The following ZBTB7A variants were observed in gnomAD, a reference collection of about 807,000 sequenced individuals.
The protein encoded by ZBTB7A is zinc finger and BTB domain containing 7A.
In ZBTB7A, 7 loss-of-function variants were observed where a neutral mutation model predicts 26.7. That is an observed-to-expected ratio of 0.26 (90% confidence interval 0.15 to 0.49). The LOEUF (loss-of-function observed/expected upper bound fraction) is 0.49, where lower values mean the gene tolerates loss of function less well. Ranked by LOEUF, ZBTB7A falls within the 20% of genes least tolerant of loss-of-function variation. The pLI is 0.98. For missense variants in ZBTB7A, 617 were observed against 919.5 expected (o/e 0.67, Z 4.25); for synonymous variants, 452 against 441.0 (o/e 1.02, Z -0.31).
chr19:4,049,833 T>C (rs2040479267), intron 2 of ZBTB7A, among the ~76,000 whole-genome samples: 1 of 152,142 alleles, frequency 6.6e-6, no homozygotes, highest in Non-Finnish European at 1.5e-5. Flanking sequence ...CTTTCTTTTT[T>C]CCTCCTGGAT....
chr19:4,066,182 C>T (rs1473899097), intron 1 of ZBTB7A, among the ~76,000 whole-genome samples: 2 of 127,816 alleles, frequency 1.6e-5, no homozygotes, highest in Non-Finnish European at 3.4e-5. Flanking sequence ...GCCCCCCTCC[C>T]TGTTTTTTCA....
chr19:4,052,945 C>T lies in ZBTB7A; in HGVS notation c.1262+1026G>A, dbSNP rs910050600. Among the ~76,000 whole-genome samples the T allele has an allele frequency of 6.6e-5, 10 of 152,180 alleles. No individual in the cohort carries two copies. Among genetic ancestry groups the T allele is most frequent in the South Asian group, 4.1e-4 (2 of 4,832 alleles). On this transcript the variant is annotated intron_variant, in intron 2 of 2. Transcript: ENST00000322357. The surrounding 1 kb of genome is among the most constrained non-coding windows in gnomAD (Gnocchi z 4.9). Reference sequence around the variant, plus strand: ...TTCAGGTTCCGGCAAGGCCTGTCCCCGGCGCCTAGAACAGGCCTGGCACCA... The same window carrying T: ...TTCAGGTTCCGGCAAGGCCTGTCCCTGGCGCCTAGAACAGGCCTGGCACCA...
chr19:4,062,562 T>G (rs1347374796), intron 1 of ZBTB7A: 1 of 152,280 alleles, frequency 6.6e-6, no homozygotes, highest in Non-Finnish European at 1.5e-5. Context: ...GGGCCGTCTG[T>G]CTGGCTCTGG....
At chr19:4,055,954 C>T (rs1186043755) in intron 1 of ZBTB7A, among the ~76,000 whole-genome samples, 2 of 152,176 alleles carry the variant, frequency 1.3e-5, no homozygotes, top group Non-Finnish European at 2.9e-5. Context: ...ATGAGGATAG[C>T]CAGATGTCCC....
At chr19:4,065,972 C>A (rs2145014273) in intron 1 of ZBTB7A, among the ~76,000 whole-genome samples, 1 of 146,190 alleles carries the variant, frequency 6.8e-6, no homozygotes, top group African/African-American at 2.5e-5. Context: ...GGCTCTCCGG[C>A]CCGCCGCTCA....
In ZBTB7A at chr19:4,047,789, G is replaced by A; in HGVS notation, c.1718C>T (p.Ala573Val). Residue 573 changes from alanine to valine, a missense_variant, in exon 3 of 3, where the codon GCC (alanine) becomes GTC (valine). By Grantham distance (64) the Ala-to-Val change is moderately conservative (BLOSUM62 0). Transcript: ENST00000322357. ...GGCTGTGAAGTTACCGTCGGTGGCG[G>A]CCCCGGGGCCACCTCCGCTGTCACC... ...GGGDSGGGPG[A>V]ATDGNFTAGL... 3 of 1,600,128 alleles carry A rather than the reference G, an allele frequency of 1.9e-6. No individual in the cohort carries two copies. Among genetic ancestry groups the A allele is most frequent in the African/African-American group, 1.4e-5 (1 of 73,924 alleles).
Position 4,043,852 on chromosome 19 carries a change from C to G in ZBTB7A, c.*3900G>C, listed in dbSNP as rs1480021638. 1.7e-4 allele frequency among the ~76,000 whole-genome samples: 24 copies of G among 145,440 alleles called. 1 individual carries two copies. The highest frequency in any genetic ancestry group is 3.7e-4 in the African/African-American group (15 of 40,040). Reference sequence around the variant, plus strand: ...TGCGCCAGCCACCCACCACCCCCCCCCCCCCACCTCCAGGAAGGCTGCTTC... The same window carrying G: ...TGCGCCAGCCACCCACCACCCCCCCGCCCCCACCTCCAGGAAGGCTGCTTC... On this transcript the variant is annotated 3_prime_UTR_variant, in exon 3 of 3. Transcript: ENST00000322357.
chr19:4,049,169 T>TGTATATATATATATAC (rs2040467897), intron 2 of ZBTB7A, among the ~76,000 whole-genome samples: 1 of 5,390 alleles, frequency 1.9e-4, no homozygotes, highest in African/African-American at 5.9e-4. Context: ...TGTGTGTGTG[T>TGTATATATATATATAC]ATATATATAT....
At position 4,054,134 on chromosome 19, in the gene ZBTB7A, C is replaced by T. The variant is rs1224096359; in HGVS notation, c.1099G>A (p.Ala367Thr). 1.9e-6 allele frequency: 3 copies of T among 1,606,018 alleles called. No homozygotes were observed. Among genetic ancestry groups the T allele is most frequent in the Non-Finnish European group, 2.5e-6 (3 of 1,179,810 alleles). ...SGAHDGDVYP[A>T]WSQKVEKKIR... ...TTCTTCTCCACCTTCTGCGACCAGGCCGGGTAGACGTCGCCGTCGTGGGCG... is the reference window on the plus strand; with the variant it reads ...TTCTTCTCCACCTTCTGCGACCAGGTCGGGTAGACGTCGCCGTCGTGGGCG... The change falls in exon 2 of 3, where the codon GCC becomes ACC. Residue 367 changes from alanine (A) to threonine (T), a missense_variant. This residue lies in a region of ZBTB7A where 331 missense variants were observed against 391.3 expected (regional missense o/e 0.85). Coordinates refer to ENST00000322357, the MANE Select transcript of ZBTB7A (RefSeq NM_015898.4).
At chr19:4,065,993 TCCGCACCGCCCCTACCCGCAGG>T (rs1568239983) in intron 1 of ZBTB7A, among the ~76,000 whole-genome samples, 1 of 113,610 alleles carries the variant, frequency 8.8e-6, no homozygotes, top group Non-Finnish European at 1.8e-5. Flanking sequence ...CCGCCCCTCC[TCCGCACCGCCCCTACCCGCAGG>T]CCGCGGCGGG....
intron 2 of ZBTB7A, 112 bp downstream of exon 2, chr19:4,053,859 G>A: frequency 7.9e-7 from 1 of 1,258,974 alleles, no homozygotes; most frequent in Non-Finnish European, 1.1e-6. Flanking sequence ...GTGTATGTGT[G>A]CGTCTGCGTG....
intron 2 of ZBTB7A, among the ~76,000 whole-genome samples, chr19:4,050,380 G>A (rs1388811985): frequency 2.0e-5 from 3 of 152,314 alleles, no homozygotes; most frequent in East Asian, 1.9e-4. Flanking sequence ...TGTTTCTGTT[G>A]ATTTCCTTGT....
intron 2 of ZBTB7A, among the ~76,000 whole-genome samples, chr19:4,049,603 G>T (rs934768966): frequency 6.6e-6 from 1 of 152,078 alleles, no homozygotes; most frequent in African/African-American, 2.4e-5. Flanking sequence ...TCTGGTTTTA[G>T]CACTGAAAGT....
chr19:4,049,782 C>T (rs968411184), intron 2 of ZBTB7A, among the ~76,000 whole-genome samples: 2 of 152,206 alleles, frequency 1.3e-5, no homozygotes, highest in Non-Finnish European at 2.9e-5. Context: ...GCACAAGCTA[C>T]GCTGGGGCCT....
In ZBTB7A at chr19:4,050,067, GC is replaced by G. The variant is rs541054516; in HGVS notation, c.1263-1824del. ...GCCTCCCAAGTAGCTGGGATTACAGGCCCTCTGCCACCACACCTGGCTCATT... is the reference window on the plus strand; with the variant it reads ...GCCTCCCAAGTAGCTGGGATTACAGGCCTCTGCCACCACACCTGGCTCATT... On this transcript the variant is annotated intron_variant, in intron 2 of 2. Transcript: ENST00000322357. 3.9e-3 allele frequency among the ~76,000 whole-genome samples: 589 copies of G among 152,262 alleles called. 5 individuals carry two copies. Among genetic ancestry groups the G allele is most frequent in the African/African-American group, 0.014 (571 of 41,544 alleles).
At position 4,054,697 on chromosome 19, in the gene ZBTB7A, G is replaced by A; in HGVS notation, c.536C>T (p.Ala179Val). 6.3e-7 allele frequency: 1 copy of A among 1,585,424 alleles called. No individual in the cohort carries two copies. Among genetic ancestry groups the A allele is most frequent in the South Asian group, 1.1e-5 (1 of 87,822 alleles). Reference sequence around the variant, plus strand: ...GGCGGACCACGGGAAGCTGGCAGCGGCGGCGGCGGCCGCGGGGGGCAGGCT... The same window carrying A: ...GGCGGACCACGGGAAGCTGGCAGCGACGGCGGCGGCCGCGGGGGGCAGGCT... Reference protein sequence around the residue: ...MNSLPPAAAAAAASFPWSAFG... With the variant: ...MNSLPPAAAAVAASFPWSAFG... The change falls in exon 2 of 3, where the codon GCC becomes GTC. Residue 179 changes from alanine to valine, a missense_variant. Ala to Val is a moderately conservative substitution (Grantham distance 64). This residue lies in a region of ZBTB7A where 331 missense variants were observed against 391.3 expected (regional missense o/e 0.85). Transcript: ENST00000322357.
At chr19:4,049,571 G>A (rs1296766883) in intron 2 of ZBTB7A, among the ~76,000 whole-genome samples, 1 of 152,090 alleles carries the variant, frequency 6.6e-6, no homozygotes, top group Non-Finnish European at 1.5e-5. Flanking sequence ...GGTGTTTGGT[G>A]ACAGATAGGG....
In ZBTB7A at chr19:4,054,619, G is replaced by A; in HGVS notation, c.614C>T (p.Ala205Val). 6.3e-7 allele frequency: 1 copy of A among 1,590,122 alleles called. No homozygotes were observed. The highest frequency in any genetic ancestry group is 8.5e-7 in the Non-Finnish European group (1 of 1,171,622). ...LDATKEAVAA[A>V]VAAVAAGDCN... Reference sequence around the variant, plus strand: ...GTCGCCCGCGGCCACGGCGGCCACAGCGGCGGCCACGGCCTCCTTGGTGGC... The same window carrying A: ...GTCGCCCGCGGCCACGGCGGCCACAACGGCGGCCACGGCCTCCTTGGTGGC... The change falls in exon 2 of 3, where the codon GCT (alanine) becomes GTT (valine). Residue 205 changes from alanine (A) to valine (V), a missense_variant. Coordinates refer to ENST00000322357, the MANE Select transcript of ZBTB7A (RefSeq NM_015898.4).
chr19:4,061,145 A>G (rs1482726444), intron 1 of ZBTB7A, among the ~76,000 whole-genome samples: 1 of 152,172 alleles, frequency 6.6e-6, no homozygotes, highest in African/African-American at 2.4e-5. Context: ...CCAGTCCCCA[A>G]AACACATTGC....
Sources: allele counts gnomAD v4.1 joint callset (sites outside exome capture counted in the v4.1 genomes callset), GRCh38; gene constraint gnomAD v4.1.1; regional missense constraint gnomAD v4.1.1; non-coding constraint Gnocchi (gnomAD v3.1); transcripts MANE v1.5; gene names NCBI Gene and HGNC (gene_info 2026-07-23, HGNC 2026-07-21).